Variants in DCAF13 observed in about 807,000 individuals in gnomAD.
DCAF13 encodes the protein DDB1 and CUL4 associated factor 13.
A neutral mutation model predicts 59.0 loss-of-function variants in DCAF13; 38 were observed. The ratio of observed to expected loss-of-function variants is 0.64; its 90% CI spans 0.50 to 0.84. The LOEUF (loss-of-function observed/expected upper bound fraction) is 0.84. Among genes scored for constraint, DCAF13 ranks in the 40% least tolerant of loss-of-function variants. DCAF13 has a pLI of 0.00. For synonymous variants in DCAF13, 173 were observed against 175.0 expected, an observed-to-expected ratio of 0.99 and a Z score of 0.09; for missense variants, 469 against 558.4, an observed-to-expected ratio of 0.84 and a Z score of 1.61.
chr8:103,423,765 G>A (rs1024897331), intron 3 of DCAF13, among the ~76,000 whole-genome samples: 9 of 152,118 alleles, frequency 5.9e-5, no homozygotes, highest in African/African-American at 1.9e-4. Flanking sequence ...AAAACACAAT[G>A]TTGTACATCA....
intron 7 of DCAF13, among the ~76,000 whole-genome samples, chr8:103,433,021 C>T (rs1470524452): frequency 3.9e-5 from 6 of 152,108 alleles, no homozygotes. Context: ...GGAATATGGC[C>T]ACACCCACTT....
chr8:103,417,101 A>G (rs11985609), intron 1 of DCAF13, among the ~76,000 whole-genome samples: 6,623 of 152,286 alleles, frequency 0.043, 476 homozygotes, highest in African/African-American at 0.15. Flanking sequence ...ACAGTACCAT[A>G]TTAACTGAAC....
intron 1 of DCAF13, among the ~76,000 whole-genome samples, chr8:103,419,223 G>C (rs894506118): frequency 1.3e-5 from 2 of 151,974 alleles, no homozygotes; most frequent in African/African-American, 2.4e-5. Flanking sequence ...GTTTAGCAGC[G>C]TATCAGGACA....
chr8:103,427,913 C>T (rs1352885779), intron 5 of DCAF13: 1 of 152,210 alleles, frequency 6.6e-6, no homozygotes, highest in Non-Finnish European at 1.5e-5. Flanking sequence ...TTTCTTAATG[C>T]ATAACAATAG....
At chr8:103,425,913 T>C in intron 3 of DCAF13, 143 bp from the exon 4 acceptor site, 1 of 617,402 alleles carries the variant, frequency 1.6e-6, no homozygotes, top group Non-Finnish European at 3.0e-6. Flanking sequence ...CAAGGTGGGA[T>C]ATAAATGGAT....
Position 103,431,638 on chromosome 8 carries a change from C to T in DCAF13, c.702+949C>T, listed in dbSNP as rs148401929. ...GCACGTTAACCTAAAATGTGTTTCT[C>T]CTGTAAGGTGGTGGTATTAATAACT... On this transcript the variant is annotated intron_variant, in intron 6 of 10. Coordinates refer to ENST00000612750, the MANE Select transcript of DCAF13 (RefSeq NM_015420.7). Among the ~76,000 whole-genome samples, 1,451 of 152,260 alleles carry T rather than the reference C, an allele frequency of 9.5e-3. 11 individuals carry two copies. The highest frequency in any genetic ancestry group is 0.017 in the Middle Eastern group (5 of 294).
intron 4 of DCAF13, among the ~76,000 whole-genome samples, 154 bp from the exon 5 acceptor site, chr8:103,426,943 A>G (rs1457219394): frequency 6.6e-6 from 1 of 152,094 alleles, no homozygotes; most frequent in African/African-American, 2.4e-5. Context: ...TCATTATGGT[A>G]TTGTTTCCCC....
intron 1 of DCAF13, among the ~76,000 whole-genome samples, chr8:103,419,121 T>C (rs1221472363): frequency 6.6e-6 from 1 of 151,732 alleles, no homozygotes; most frequent in Non-Finnish European, 1.5e-5. Context: ...CCTGACCTCG[T>C]GATCCGTCCG....
chr8:103,420,900 C>T, intron 2 of DCAF13, 75 bp from the exon 3 acceptor site: 1 of 1,070,518 alleles, frequency 9.3e-7, no homozygotes, highest in Non-Finnish European at 1.4e-6. Flanking sequence ...GATTCGTAGC[C>T]TTGTCAGTGT....
rs1245914555 is a variant in DCAF13, at chr8:103,430,633, G to A, written c.646G>A (p.Ala216Thr). The A allele has an allele frequency of 1.2e-5, 20 of 1,610,698 alleles. No individual in the cohort carries two copies. Among genetic ancestry groups the A allele is most frequent in the Non-Finnish European group, 1.6e-5 (19 of 1,178,500 alleles). Residue 216 changes from alanine to threonine, a missense_variant, in exon 6 of 11, where the codon GCA (alanine) becomes ACA (threonine). Ala to Thr is a moderately conservative substitution (Grantham distance 58). Around this residue, in one of 3 missense-constraint regions of DCAF13, gnomAD observed 355 missense variants for 399.1 expected, o/e 0.89. Coordinates refer to ENST00000612750, the MANE Select transcript of DCAF13 (RefSeq NM_015420.7). ...TTAGACATTTCTCTTGGGAAGTTGTGCATCTGACAGGAATATAGTACTGTA... is the reference window on the plus strand; with the variant it reads ...TTAGACATTTCTCTTGGGAAGTTGTACATCTGACAGGAATATAGTACTGTA... ...PIETFLLGSC[A>T]SDRNIVLYDM... is the part of the protein sequence containing the mutation.
intron 1 of DCAF13, among the ~76,000 whole-genome samples, chr8:103,417,912 G>C (rs1288185567): frequency 6.6e-6 from 1 of 152,110 alleles, no homozygotes; most frequent in African/African-American, 2.4e-5. Context: ...GAGGTCAGGA[G>C]ATCGAGACTA....
intron 1 of DCAF13, among the ~76,000 whole-genome samples, chr8:103,415,902 CT>C (rs1160056052): frequency 6.6e-6 from 1 of 152,182 alleles, no homozygotes; most frequent in African/African-American, 2.4e-5. Flanking sequence ...CTTCTTGCCG[CT>C]TTACTACTTC....
intron 4 of DCAF13, 53 bp downstream of exon 4, chr8:103,426,198 A>C: frequency 9.2e-7 from 1 of 1,086,574 alleles, no homozygotes; most frequent in Non-Finnish European, 1.3e-6. Context: ...TTTATTTAAA[A>C]TTATTTTATA....
intron 1 of DCAF13, among the ~76,000 whole-genome samples, chr8:103,418,127 CA>C (rs201171043): frequency 7.5e-5 from 10 of 133,384 alleles, no homozygotes; most frequent in Non-Finnish European, 1.1e-4. Context: ...GACTCCGTCT[CA>C]AAAAAAAAAG....
intron 5 of DCAF13, chr8:103,428,717 A>C (rs1315974692): frequency 6.6e-6 from 1 of 152,100 alleles, no homozygotes; most frequent in Admixed American, 6.5e-5. Context: ...CTAAAAAAAA[A>C]ACACAAAAAA....
rs902826595 is a variant in DCAF13, at chr8:103,427,438, T to G, written c.624+186T>G. On this transcript the variant is annotated intron_variant, in intron 5 of 10. Coordinates refer to ENST00000612750, the MANE Select transcript of DCAF13 (RefSeq NM_015420.7). Reference sequence around the variant, plus strand: ...AATCCCAACATGTTTCCCAGCAGTTTAGTCCCAGATACTAGAGTTAAGCAT... The same window carrying G: ...AATCCCAACATGTTTCCCAGCAGTTGAGTCCCAGATACTAGAGTTAAGCAT... 6 of 604,142 alleles carry G rather than the reference T, an allele frequency of 9.9e-6. No homozygotes were observed. The East Asian group carries it at 1.4e-4, about 14-fold the overall frequency. The allele number at this position is 604,142 out of a possible 1,614,324, so 37.4% of individuals were successfully genotyped here. A position where few individuals can be genotyped will look rare whatever the true frequency, so the allele number is the denominator to read the frequency against.
intron 10 of DCAF13, 102 bp downstream of exon 10, chr8:103,441,720 A>G (rs996119200): frequency 2.3e-5 from 25 of 1,091,258 alleles, no homozygotes; most frequent in East Asian, 4.9e-5. Flanking sequence ...TTTATGTGCT[A>G]TTATTTAATA....
intron 8 of DCAF13, among the ~76,000 whole-genome samples, chr8:103,438,058 T>C (rs557243896): frequency 7.4e-4 from 112 of 152,298 alleles, no homozygotes; most frequent in African/African-American, 2.6e-3. Context: ...TAGTTTACCA[T>C]TGGGGAGGAT....
intron 8 of DCAF13, 43 bp downstream of exon 8, chr8:103,435,833 A>C: frequency 6.3e-7 from 1 of 1,584,018 alleles, no homozygotes. Context: ...TATGTCACTT[A>C]ACAATGGGGA....
Sources: gnomAD v4.1 joint callset for allele counts (sites outside exome capture counted in the v4.1 genomes callset) on GRCh38, gnomAD v4.1.1 for gene constraint, gnomAD v4.1.1 regional missense constraint, MANE v1.5 for transcripts, NCBI Gene and HGNC (gene_info 2026-07-23, HGNC 2026-07-21) for gene names.